Variants in SINHCAF observed in about 807,000 individuals in gnomAD.
The protein encoded by SINHCAF is SIN3-HDAC complex-associated factor.
SINHCAF carries 3 observed loss-of-function variants against 25.8 expected under a neutral mutation model. That is an observed-to-expected ratio of 0.12 (90% CI 0.05 to 0.30). The LOEUF is 0.30. Ranked by LOEUF, SINHCAF falls within the 10% of genes least tolerant of loss-of-function variation. The probability of loss-of-function intolerance (pLI) is 1.00; values close to 1 mark genes in which losing one functional copy is unlikely to be tolerated. For missense variants in SINHCAF, 121 were observed against 262.3 expected (o/e 0.46, Z 3.72); for synonymous variants, 70 against 85.5 (o/e 0.82, Z 1.00).
intron 2 of SINHCAF, among the ~76,000 whole-genome samples, 182 bp from the exon 3 acceptor site, chr12:31,295,515 T>G (rs1346905161): frequency 5.3e-5 from 8 of 152,214 alleles, no homozygotes; most frequent in Admixed American, 5.2e-4. Context: ...TCTTCTAGAT[T>G]CAACAAACCA....
chr12:31,301,414 G>A (rs997657020), intron 1 of SINHCAF, among the ~76,000 whole-genome samples: 3 of 152,278 alleles, frequency 2.0e-5, no homozygotes, highest in South Asian at 4.1e-4. Context: ...GAACATCTGA[G>A]AGGGATCTAA....
chr12:31,285,256 T>C (rs1458404440), intron 5 of SINHCAF, among the ~76,000 whole-genome samples: 2 of 151,798 alleles, frequency 1.3e-5, no homozygotes, highest in East Asian at 3.9e-4. Flanking sequence ...GGTGTGGTGG[T>C]GCATGCCTGT....
chr12:31,314,444 C>T (rs1592987229), intron 1 of SINHCAF, among the ~76,000 whole-genome samples: 1 of 151,888 alleles, frequency 6.6e-6, no homozygotes, highest in Non-Finnish European at 1.5e-5. Flanking sequence ...AAGAATGGCG[C>T]GAACCCGGGA....
rs77202590 is a variant in SINHCAF, at chr12:31,322,414, G to C, written c.-21+3610C>G. Among the ~76,000 whole-genome samples the C allele has an allele frequency of 9.7e-3, 1,476 of 152,286 alleles. 29 individuals are homozygous for C. The highest frequency in any genetic ancestry group is 0.034 in the African/African-American group (1,410 of 41,546). On this transcript the variant is annotated intron_variant, in intron 1 of 5. Coordinates refer to ENST00000337682, the MANE Select transcript of SINHCAF (RefSeq NM_001135812.2). ...ATACAGGACCCAGAGAAATAGCTGC[G>C]AAAGGAAAGCCAAAGTTATTAAATC...
At chr12:31,321,171 A>C (rs1169895987) in intron 1 of SINHCAF, among the ~76,000 whole-genome samples, 1 of 152,222 alleles carries the variant, frequency 6.6e-6, no homozygotes, top group African/African-American at 2.4e-5. Context: ...AAAACTGGAG[A>C]AACAAAAGAC....
At chr12:31,310,848 G>A (rs1939236407) in intron 1 of SINHCAF, among the ~76,000 whole-genome samples, 1 of 151,616 alleles carries the variant, frequency 6.6e-6, no homozygotes, top group Non-Finnish European at 1.5e-5. Flanking sequence ...CAGCATCGCT[G>A]GATTTTAATC....
chr12:31,298,411 C>T (rs1938635475), intron 1 of SINHCAF, 187 bp from the exon 2 acceptor site: 2 of 576,572 alleles, frequency 3.5e-6, no homozygotes, highest in South Asian at 2.0e-5. Flanking sequence ...GCGTATAAAA[C>T]ACAAAGAAAA....
In SINHCAF at chr12:31,281,759, G is replaced by C. The variant is rs1208850941; in HGVS notation, c.*953C>G. ...TCCTAAAGACTTGCCATTTCCCCAA[G>C]AGGAGCTTTGATTCTGCTTTAGAAG... On this transcript the variant is annotated 3_prime_UTR_variant, in exon 6 of 6. Transcript: ENST00000337682. The C allele has an allele frequency of 1.3e-5, 2 of 152,146 alleles. No homozygotes were observed. Among genetic ancestry groups the C allele is most frequent in the Non-Finnish European group, 2.9e-5 (2 of 68,030 alleles). 9.4% of individuals were successfully genotyped at this position (152,146 alleles called of 1,614,324 possible).
At chr12:31,294,893 G>C (rs1020223572) in intron 3 of SINHCAF, among the ~76,000 whole-genome samples, 1 of 152,136 alleles carries the variant, frequency 6.6e-6, no homozygotes, top group South Asian at 2.1e-4. Context: ...GTACCAACCT[G>C]AGTTCAAAGG....
intron 1 of SINHCAF, among the ~76,000 whole-genome samples, chr12:31,313,349 C>G (rs924901429): frequency 1.2e-4 from 18 of 152,136 alleles, no homozygotes; most frequent in Admixed American, 1.0e-3. Flanking sequence ...TTCTTTATTG[C>G]ACTGCAGTGG....
intron 1 of SINHCAF, among the ~76,000 whole-genome samples, chr12:31,301,091 T>G (rs751928087): frequency 2.0e-5 from 3 of 152,236 alleles, no homozygotes; most frequent in African/African-American, 4.8e-5. Flanking sequence ...AGGTTGGATT[T>G]GACCAAGACG....
chr12:31,305,691 G>A (rs1213423703), intron 1 of SINHCAF, among the ~76,000 whole-genome samples: 2 of 149,726 alleles, frequency 1.3e-5, no homozygotes, highest in African/African-American at 2.5e-5. Flanking sequence ...CGGAAATATA[G>A]GCCAATTTTT....
chr12:31,304,408 A>G (rs538011608), intron 1 of SINHCAF: 2 of 152,340 alleles, frequency 1.3e-5, no homozygotes, highest in African/African-American at 4.8e-5. Context: ...TTCAGTTGCC[A>G]GTTATGACAG....
At chr12:31,320,528 C>G (rs2137139015) in intron 1 of SINHCAF, among the ~76,000 whole-genome samples, 1 of 152,158 alleles carries the variant, frequency 6.6e-6, no homozygotes, top group East Asian at 1.9e-4. Context: ...GCTGGCTGTA[C>G]ATAGTACACA....
At chr12:31,308,627 G>A (rs1313462981) in intron 1 of SINHCAF, among the ~76,000 whole-genome samples, 1 of 152,146 alleles carries the variant, frequency 6.6e-6, no homozygotes, top group Non-Finnish European at 1.5e-5. Flanking sequence ...TGCATACACT[G>A]GATGAGGGAT....
chr12:31,310,801 G>T, intron 1 of SINHCAF, among the ~76,000 whole-genome samples: 1 of 151,646 alleles, frequency 6.6e-6, no homozygotes, highest in Admixed American at 6.6e-5. Context: ...TATCAAAGTG[G>T]GTAAAAAAAT....
intron 1 of SINHCAF, among the ~76,000 whole-genome samples, chr12:31,321,802 G>A (rs1463608462): frequency 1.3e-5 from 2 of 152,064 alleles, no homozygotes; most frequent in East Asian, 1.9e-4. Flanking sequence ...TGCCTGGCAT[G>A]GTAAATTGAT....
rs544036230 is a variant in SINHCAF at position 31,298,893 on chromosome 12, C to T, written c.-20-669G>A. On this transcript the variant is annotated intron_variant, in intron 1 of 5. Coordinates refer to ENST00000337682, the MANE Select transcript of SINHCAF (RefSeq NM_001135812.2). ...TATTATCATTAAGACAAAAAAAGAA[C>T]GAGCTCATGTTGTCTGACCGCTGAT... Among the ~76,000 whole-genome samples the T allele has an allele frequency of 4.6e-5, 7 of 152,188 alleles. No homozygotes were observed. The South Asian group carries it at 1.0e-3, about 23-fold the overall frequency.
chr12:31,320,138 T>TA (rs1187270352), intron 1 of SINHCAF, among the ~76,000 whole-genome samples: 2 of 152,218 alleles, frequency 1.3e-5, no homozygotes, highest in African/African-American at 4.8e-5. Context: ...AAAGTTCAAC[T>TA]ACTAATCTTC....
Sources: allele counts gnomAD v4.1 joint callset (sites outside exome capture counted in the v4.1 genomes callset), GRCh38; gene constraint gnomAD v4.1.1; transcripts MANE v1.5; gene names NCBI Gene and HGNC (gene_info 2026-07-23, HGNC 2026-07-21).